Variants in SLC12A7 observed in about 807,000 individuals in gnomAD.
The protein encoded by SLC12A7 is solute carrier family 12 member 7.
A neutral mutation model predicts 120.6 loss-of-function variants in SLC12A7; 100 were observed. That is an observed-to-expected ratio of 0.83 (90% CI 0.71 to 0.98). The LOEUF is 0.98. Ranked by LOEUF, SLC12A7 falls within the 50% of genes least tolerant of loss-of-function variation. The pLI, the probability that SLC12A7 is intolerant of heterozygous loss-of-function variation, is 0.00. For missense variants in SLC12A7, 1,373 were observed against 1,548.1 expected (o/e 0.89, Z 1.90); for synonymous variants, 760 against 678.0 (o/e 1.12, Z -1.88).
intron 22 of SLC12A7, chr5:1,056,705 G>C: frequency 7.7e-6 from 3 of 391,910 alleles, no homozygotes; most frequent in Non-Finnish European, 1.0e-5. Flanking sequence ...CCACCCCACA[G>C]GGCCCAGGAG....
At chr5:1,076,331 C>T in intron 13 of SLC12A7, 95 bp from the exon 14 acceptor site, 2 of 971,340 alleles carry the variant, frequency 2.1e-6, no homozygotes, top group Non-Finnish European at 3.0e-6. Flanking sequence ...ACTGTCCCTC[C>T]CACCTGCGCC....
At chr5:1,117,217 G>A in the SLC12A7 span, among the ~76,000 whole-genome samples, 1 of 152,128 alleles carries the variant, frequency 6.6e-6, no homozygotes, top group Non-Finnish European at 1.5e-5. This position sits in a 1 kb window ranked among gnomAD's most constrained non-coding sequence, Gnocchi z 4.5. Context: ...GGGTGGGGGT[G>A]CAGCCTTCGC....
chr5:1,083,656 G>C (rs994839993), intron 8 of SLC12A7, 89 bp downstream of exon 8: 3 of 1,364,362 alleles, frequency 2.2e-6, no homozygotes, highest in Admixed American at 1.8e-5. Context: ...GGGGCCCTGA[G>C]AGTGACTCTA....
rs567383563 is a variant in SLC12A7, at chr5:1,100,668, G to A, written c.125-6420C>T. Among the ~76,000 whole-genome samples, 286 of 152,352 alleles carry A rather than the reference G, an allele frequency of 1.9e-3. 2 individuals carry two copies. The highest frequency in any genetic ancestry group is 3.0e-3 in the Non-Finnish European group (203 of 68,030). On this transcript the variant is annotated intron_variant, in intron 1 of 23. Transcript: ENST00000264930. ...GACGCCGCATGCAGGGAGGGCGCCTGTCCTCTGGGGTCTTCCTCCCCGAAA... is the reference window on the plus strand; with the variant it reads ...GACGCCGCATGCAGGGAGGGCGCCTATCCTCTGGGGTCTTCCTCCCCGAAA...
intron 11 of SLC12A7, 95 bp from the exon 12 acceptor site, chr5:1,078,102 A>G (rs1009129681): frequency 2.5e-5 from 35 of 1,395,218 alleles, no homozygotes; most frequent in Non-Finnish European, 3.1e-5. Context: ...GGCCCAGTGC[A>G]GTGGGGGCGA....
upstream of SLC12A7, among the ~76,000 whole-genome samples, chr5:1,112,349 C>T (rs1561119746): frequency 2.1e-5 from 1 of 46,758 alleles, no homozygotes; most frequent in Non-Finnish European, 5.2e-5. Context: ...CCGCCCTCCC[C>T]GGCCCCCTCC....
chr5:1,087,002 C>T lies in SLC12A7; in HGVS notation c.576G>A (p.Ser192=), dbSNP rs754472409. Residue 192 remains serine (S), a synonymous_variant, in exon 6 of 24, where the codon TCG becomes TCA. Transcript: ENST00000264930. ...AGGSYYMISR[S]LGPEFGGAVG... ...CAGCGCCTCCAAACTCGGGTCCCAGCGAGCGCGATATCATGTAGTAGGACC... is the reference window on the plus strand; with the variant it reads ...CAGCGCCTCCAAACTCGGGTCCCAGTGAGCGCGATATCATGTAGTAGGACC... The T allele has an allele frequency of 1.4e-5, 23 of 1,612,624 alleles. 1 individual carries two copies. The highest frequency in any genetic ancestry group is 9.9e-5 in the South Asian group (9 of 91,060).
intron 1 of SLC12A7, among the ~76,000 whole-genome samples, chr5:1,103,376 G>A (rs984568743): frequency 1.3e-5 from 2 of 152,166 alleles, no homozygotes; most frequent in Non-Finnish European, 1.5e-5. Context: ...TGGCTGGAAG[G>A]TCCTGGCAAG....
intron 1 of SLC12A7, among the ~76,000 whole-genome samples, chr5:1,107,365 C>T (rs1445073218): frequency 6.6e-6 from 1 of 152,204 alleles, no homozygotes; most frequent in Non-Finnish European, 1.5e-5. Flanking sequence ...TCTGGGAATC[C>T]CTGGGTCAGG....
chr5:1,052,446 C>T lies in SLC12A7; in HGVS notation c.3166G>A (p.Glu1056Lys). 1 of 1,612,636 alleles carries T rather than the reference C, an allele frequency of 6.2e-7. No individual in the cohort carries two copies. Among genetic ancestry groups the T allele is most frequent in the Non-Finnish European group, 8.5e-7 (1 of 1,179,736 alleles). The part of the protein sequence containing the change: ...KNRQGDENYM[E>K]FLEVLTEGLN... ...CCCTCGGTCAGGACTTCAAGAAACT[C>T]CATGTCTGTGGTCAACAGAGTTAAG... is the stretch of plus-strand genomic sequence containing the variant. Residue 1056 changes from glutamate (E) to lysine (K), a missense_variant, in exon 24 of 24, where the codon GAG (glutamate) becomes AAG (lysine). Coordinates refer to ENST00000264930, the MANE Select transcript of SLC12A7 (RefSeq NM_006598.3).
At chr5:1,126,466 T>C in the SLC12A7 span, among the ~76,000 whole-genome samples, 474 of 152,390 alleles carry the variant, frequency 3.1e-3, 2 homozygotes, top group African/African-American at 0.011. Context: ...TTTAGTTTTT[T>C]TCTTCTGATT....
At chr5:1,136,015 TC>T in the SLC12A7 span, among the ~76,000 whole-genome samples, 1 of 151,740 alleles carries the variant, frequency 6.6e-6, no homozygotes, top group South Asian at 2.1e-4. Flanking sequence ...CTGGCTCGGG[TC>T]CAGAGGACAC....
intron 1 of SLC12A7, among the ~76,000 whole-genome samples, chr5:1,096,864 T>A (rs1170230710): frequency 7.9e-5 from 2 of 25,272 alleles, no homozygotes; most frequent in Admixed American, 5.3e-4. Flanking sequence ...GAGGGAGGGA[T>A]GAAGGGAGGG....
intron 12 of SLC12A7, among the ~76,000 whole-genome samples, chr5:1,077,607 G>A (rs1296881983): frequency 6.6e-6 from 1 of 152,190 alleles, no homozygotes; most frequent in Non-Finnish European, 1.5e-5. Flanking sequence ...ACACACCCGG[G>A]GCCGAGCTCG....
At chr5:1,137,540 C>T in the SLC12A7 span, among the ~76,000 whole-genome samples, 1 of 152,182 alleles carries the variant, frequency 6.6e-6, no homozygotes, top group African/African-American at 2.4e-5. Context: ...CCCCCTCCTC[C>T]TCAACCTGCC....
chr5:1,066,214 G>A (rs1252569303), intron 17 of SLC12A7, among the ~76,000 whole-genome samples: 1 of 152,176 alleles, frequency 6.6e-6, no homozygotes, highest in African/African-American at 2.4e-5. Context: ...TCTCCCTTTT[G>A]GAGCAAACAT....
At chr5:1,066,431 G>A (rs1737063942) in intron 17 of SLC12A7, among the ~76,000 whole-genome samples, 1 of 152,188 alleles carries the variant, frequency 6.6e-6, no homozygotes, top group South Asian at 2.1e-4. Context: ...GCAGGCCTGA[G>A]ACTTCAGGAG....
chr5:1,064,038 G>T (rs1736638572), intron 19 of SLC12A7, 45 bp downstream of exon 19: 1 of 1,601,536 alleles, frequency 6.2e-7, no homozygotes, highest in African/African-American at 1.3e-5. Context: ...CGCAGCACGT[G>T]GGGTGGCCGT....
At chr5:1,057,761 T>G (rs1735780717) in intron 21 of SLC12A7, 112 bp from the exon 22 acceptor site, 2 of 1,057,584 alleles carry the variant, frequency 1.9e-6, no homozygotes, top group Non-Finnish European at 2.7e-6. Context: ...TGAAGGGCCC[T>G]GTGTGCCTGA....
Sources: gnomAD v4.1 joint callset for allele counts (sites outside exome capture counted in the v4.1 genomes callset) on GRCh38, gnomAD v4.1.1 for gene constraint, Gnocchi (gnomAD v3.1) non-coding constraint, MANE v1.5 for transcripts, NCBI Gene and HGNC (gene_info 2026-07-23, HGNC 2026-07-21) for gene names.